Variants in GUCY2F observed in about 807,000 individuals in gnomAD.
The protein encoded by GUCY2F is retinal guanylyl cyclase 2.
GUCY2F carries 61 observed loss-of-function variants against 73.1 expected under a neutral mutation model. The observed-to-expected ratio is 0.83, with a 90% CI of 0.68 to 1.03. GUCY2F has a LOEUF of 1.03. GUCY2F is among the 50% of genes least tolerant of loss of function. The probability of loss-of-function intolerance (pLI) is 0.00; values close to 1 mark genes in which losing one functional copy is unlikely to be tolerated. For missense variants in GUCY2F, 912 were observed against 854.3 expected (o/e 1.07, Z -0.84); for synonymous variants, 331 against 307.8 (o/e 1.08, Z -0.79).
At chrX:109,379,034 A>G (rs1011249332) in intron 17 of GUCY2F, among the ~76,000 whole-genome samples, 3 of 112,641 alleles carry the variant, frequency 2.7e-5, no homozygotes, top group Non-Finnish European at 1.9e-5. Context: ...ACAATGGAAT[A>G]CTATTCATCC....
intron 9 of GUCY2F, among the ~76,000 whole-genome samples, chrX:109,407,284 G>A (rs969335216): frequency 4.5e-5 from 5 of 112,223 alleles, no homozygotes; most frequent in Non-Finnish European, 9.4e-5. Context: ...CTAGAGATTT[G>A]TGGAACTTTG....
chrX:109,475,665 A>G lies in GUCY2F; in HGVS notation c.272T>C (p.Leu91Pro). ...ERINRDPSFD[L>P]SYSFEYVILN... is the part of the protein sequence containing the mutation. ...AATCACGTATTCAAAAGAATAACTC[A>G]GGTCAAAAGATGGGTCCCGGTTGAT... The change falls in exon 2 of 20, where the codon CTG becomes CCG. Residue 91 changes from leucine to proline, a missense_variant. Transcript: ENST00000218006. The G allele has an allele frequency of 8.3e-7, 1 of 1,210,745 alleles. No homozygotes were observed. Among genetic ancestry groups the G allele is most frequent in the East Asian group, 3.0e-5 (1 of 33,822 alleles).
chrX:109,461,260 A>T (rs1363269239), intron 3 of GUCY2F, among the ~76,000 whole-genome samples: 1 of 112,214 alleles, frequency 8.9e-6, no homozygotes, highest in Non-Finnish European at 1.9e-5. Context: ...GAGCTAAAAA[A>T]ATATGAAAGT....
rs746479796 is a variant in GUCY2F, at chrX:109,476,147, C to A, written c.-85-126G>T. 3.2e-5 allele frequency: 11 copies of A among 342,377 alleles called. No homozygotes were observed. The South Asian group carries it at 7.3e-4, about 23-fold the overall frequency. 28.2% of individuals were successfully genotyped at this position (342,377 alleles called of 1,213,427 possible). The stretch of plus-strand genomic sequence containing the variant: ...GCCCAAACTAAAAGTTTCTTTCCCC[C>A]ATCCTGACAAAACTCCTCCTCTTCC... On this transcript the variant is annotated intron_variant, in intron 1 of 19. Transcript: ENST00000218006.
intron 3 of GUCY2F, among the ~76,000 whole-genome samples, chrX:109,462,659 T>TA (rs1932385244): frequency 8.9e-6 from 1 of 112,004 alleles, no homozygotes; most frequent in East Asian, 2.8e-4. Context: ...TCTGAGTTTT[T>TA]ATATCAAAAT....
chrX:109,440,317 T>G (rs1174968194), intron 7 of GUCY2F, among the ~76,000 whole-genome samples: 1 of 111,773 alleles, frequency 8.9e-6, no homozygotes, highest in Non-Finnish European at 1.9e-5. Context: ...ATAAGGGTTT[T>G]AATTCCATTG....
chrX:109,468,601 C>A lies in GUCY2F; in HGVS notation c.731-3158G>T, dbSNP rs772567432. 2.7e-5 allele frequency among the ~76,000 whole-genome samples: 3 copies of A among 111,845 alleles called. No homozygotes were observed. In the South Asian group the frequency reaches 1.1e-3, roughly 43 times the overall value. On this transcript the variant is annotated intron_variant, in intron 2 of 19. Transcript: ENST00000218006. ...GTACCTTACCCTCAACCCTAAATCT[C>A]TCCTCTTTATTTTTCTTTCATTGAC... is the stretch of plus-strand genomic sequence containing the variant.
At chrX:109,453,034 C>T (rs915057443) in intron 4 of GUCY2F, among the ~76,000 whole-genome samples, 3 of 111,842 alleles carry the variant, frequency 2.7e-5, no homozygotes, top group Non-Finnish European at 5.6e-5. Context: ...CAATTTTGTG[C>T]TAAGCTGTGA....
chrX:109,461,630 A>T (rs1343040810), intron 3 of GUCY2F, among the ~76,000 whole-genome samples: 1 of 112,121 alleles, frequency 8.9e-6, no homozygotes, highest in Non-Finnish European at 1.9e-5. Flanking sequence ...GTGTTTGACA[A>T]CAGCTATATG....
intron 2 of GUCY2F, among the ~76,000 whole-genome samples, chrX:109,468,770 T>C (rs1479549790): frequency 8.9e-6 from 1 of 112,060 alleles, no homozygotes; most frequent in Non-Finnish European, 1.9e-5. Flanking sequence ...CTCTATTTTT[T>C]GCCTGGCAAG....
chrX:109,463,338 A>T (rs1932399234), intron 3 of GUCY2F, among the ~76,000 whole-genome samples: 1 of 110,500 alleles, frequency 9.0e-6, no homozygotes, highest in African/African-American at 3.3e-5. Flanking sequence ...CTCCTTCCAG[A>T]TTATTGGTTT....
intron 1 of GUCY2F, among the ~76,000 whole-genome samples, chrX:109,479,849 G>A (rs752032832): frequency 2.7e-5 from 3 of 110,688 alleles, no homozygotes; most frequent in Non-Finnish European, 5.7e-5. Context: ...ACAAACACAC[G>A]TTGAGAAGTT....
At chrX:109,480,583 T>C (rs978296112) in intron 1 of GUCY2F, among the ~76,000 whole-genome samples, 3 of 111,635 alleles carry the variant, frequency 2.7e-5, no homozygotes, top group Middle Eastern at 4.7e-3. Context: ...CCCCAAATTC[T>C]AAAAAGTTAG....
intron 7 of GUCY2F, among the ~76,000 whole-genome samples, chrX:109,430,936 A>G (rs1931596364): frequency 9.0e-6 from 1 of 111,006 alleles, no homozygotes; most frequent in African/African-American, 3.3e-5. Flanking sequence ...GTCACAATCC[A>G]ATTGTCTTTA....
At chrX:109,449,675 A>G (rs1932096528) in intron 5 of GUCY2F, among the ~76,000 whole-genome samples, 1 of 112,157 alleles carries the variant, frequency 8.9e-6, no homozygotes, top group East Asian at 2.8e-4. Flanking sequence ...TACCTGCTTT[A>G]TAGAGTTGTT....
At chrX:109,393,123 T>A (rs1930611477) in intron 12 of GUCY2F, 68 bp from the exon 13 acceptor site, 5 of 588,229 alleles carry the variant, frequency 8.5e-6, no homozygotes, top group East Asian at 6.6e-5. Flanking sequence ...ATGGAGCAGG[T>A]CCCCTTATCA....
In GUCY2F at chrX:109,447,800, G is replaced by A. The variant is rs190166397; in HGVS notation, c.1569+269C>T. 2.0e-3 allele frequency among the ~76,000 whole-genome samples: 223 copies of A among 109,549 alleles called. 1 individual carries two copies. The highest frequency in any genetic ancestry group is 7.1e-3 in the African/African-American group (215 of 30,124). ...AAAAAATAAATAAATAAATAAACAG[G>A]TAAAATTAACTTTAATAATATACTT... On this transcript the variant is annotated intron_variant, in intron 6 of 19. Transcript: ENST00000218006.
chrX:109,453,732 A>G lies in GUCY2F; in HGVS notation c.1160T>C (p.Phe387Ser). The part of the protein sequence containing the change: ...SLVQHSRNMQ[F>S]HGFNQLMRTD... ...CCTCATCAACTGGTTGAATCCATGG[A>G]ACTGCATGTTTCTGGAATGCTGAAC... Residue 387 changes from phenylalanine to serine, a missense_variant, in exon 4 of 20, where the codon TTC becomes TCC. Coordinates refer to ENST00000218006, the MANE Select transcript of GUCY2F (RefSeq NM_001522.3). 5.8e-6 allele frequency: 7 copies of G among 1,199,768 alleles called. No individual in the cohort carries two copies. Among genetic ancestry groups the G allele is most frequent in the Non-Finnish European group, 6.8e-6 (6 of 884,485 alleles).
intron 15 of GUCY2F, among the ~76,000 whole-genome samples, chrX:109,385,586 C>CCTGG (rs1450962256): frequency 3.6e-5 from 4 of 111,625 alleles, no homozygotes; most frequent in African/African-American, 1.3e-4. Flanking sequence ...ACCAGAAAGG[C>CCTGG]CTGGGCAGGG....
Sources: allele counts gnomAD v4.1 joint callset (sites outside exome capture counted in the v4.1 genomes callset), GRCh38; gene constraint gnomAD v4.1.1; transcripts MANE v1.5; gene names NCBI Gene and HGNC (gene_info 2026-07-23, HGNC 2026-07-21).